Variants in ATP8A2 observed in about 807,000 individuals in gnomAD.
ATP8A2 encodes the protein ATPase phospholipid transporting 8A2.
ATP8A2 carries 100 observed loss-of-function variants against 165.6 expected under a neutral mutation model. The observed-to-expected ratio is 0.60, with a 90% confidence interval of 0.51 to 0.71. ATP8A2 has a LOEUF of 0.71. Among genes scored for constraint, ATP8A2 ranks in the 30% least tolerant of loss-of-function variants. The probability of loss-of-function intolerance (pLI) is 0.00; values close to 1 mark genes in which losing one functional copy is unlikely to be tolerated. For missense variants in ATP8A2, 1,227 were observed against 1,479.5 expected, an observed-to-expected ratio of 0.83 and a Z score of 2.80; for synonymous variants, 543 against 548.8, an observed-to-expected ratio of 0.99 and a Z score of 0.15.
intron 1 of ATP8A2, among the ~76,000 whole-genome samples, chr13:25,435,957 G>GTA (rs1555270391): frequency 2.0e-5 from 3 of 149,062 alleles, no homozygotes; most frequent in Non-Finnish European, 4.5e-5. Flanking sequence ...GTGTGAGTGT[G>GTA]TGTGTGTGTG....
At chr13:25,411,011 T>C (rs182227071) in intron 1 of ATP8A2, among the ~76,000 whole-genome samples, 142 of 152,352 alleles carry the variant, frequency 9.3e-4, no homozygotes, top group African/African-American at 3.2e-3. Flanking sequence ...CTACTGACTG[T>C]ACTCCAGGAG....
intron 36 of ATP8A2, among the ~76,000 whole-genome samples, chr13:26,017,160 G>A (rs928761724): frequency 3.3e-5 from 5 of 152,148 alleles, no homozygotes; most frequent in Non-Finnish European, 5.9e-5. Flanking sequence ...CCCATTCTTT[G>A]GGGTGACTGT....
chr13:25,809,043 A>G (rs1950804910), intron 27 of ATP8A2, among the ~76,000 whole-genome samples: 2 of 152,170 alleles, frequency 1.3e-5, no homozygotes, highest in Non-Finnish European at 2.9e-5. Context: ...TTTACACGCT[A>G]CATCTTCAGT....
chr13:25,783,522 A>T (rs1427027796), intron 27 of ATP8A2, among the ~76,000 whole-genome samples: 1 of 152,186 alleles, frequency 6.6e-6, no homozygotes, highest in East Asian at 1.9e-4. Flanking sequence ...GAATTCCCAC[A>T]ATTATAATAT....
At chr13:25,956,738 T>G (rs1052392012) in intron 33 of ATP8A2, among the ~76,000 whole-genome samples, 1 of 152,152 alleles carries the variant, frequency 6.6e-6, no homozygotes, top group Non-Finnish European at 1.5e-5. Flanking sequence ...CAAGCTACCA[T>G]TGACTTTCTT....
At chr13:25,742,097 G>A (rs2043926161) in intron 25 of ATP8A2, among the ~76,000 whole-genome samples, 1 of 152,140 alleles carries the variant, frequency 6.6e-6, no homozygotes, top group Admixed American at 6.6e-5. Flanking sequence ...AGATGAGATA[G>A]CCTACTACAC....
intron 30 of ATP8A2, among the ~76,000 whole-genome samples, chr13:25,849,390 C>T (rs2138701627): frequency 6.6e-6 from 1 of 152,282 alleles, no homozygotes; most frequent in South Asian, 2.1e-4. Context: ...TTTCTGAATA[C>T]ATTTTGTGGT....
intron 1 of ATP8A2, among the ~76,000 whole-genome samples, chr13:25,417,408 T>C (rs2034163648): frequency 1.1e-5 from 1 of 94,626 alleles, no homozygotes; most frequent in African/African-American, 4.0e-5. Context: ...CCAGTTTCTT[T>C]ACCATTTTGG....
intron 2 of ATP8A2, among the ~76,000 whole-genome samples, chr13:25,486,412 G>C (rs1204653123): frequency 6.6e-6 from 1 of 152,054 alleles, no homozygotes; most frequent in African/African-American, 2.4e-5. Flanking sequence ...TATTGATTTA[G>C]CATTCTTCAC....
rs553306513 is a variant in ATP8A2 at position 25,871,597 on chromosome 13, A to G, written c.3183+9189A>G. The stretch of plus-strand genomic sequence containing the variant: ...ACCAAGAAGTTTCTGTTTCATATAA[A>G]TGATGATGCAAAAGCTATTGTGGAC... On this transcript the variant is annotated intron_variant, in intron 33 of 36. Coordinates refer to ENST00000381655, the MANE Select transcript of ATP8A2 (RefSeq NM_016529.6). Among the ~76,000 whole-genome samples, 250 of 152,350 alleles carry G rather than the reference A, an allele frequency of 1.6e-3. 1 individual carries two copies. Among genetic ancestry groups the G allele is most frequent in the Non-Finnish European group, 2.6e-3 (175 of 68,022 alleles).
intron 1 of ATP8A2, among the ~76,000 whole-genome samples, chr13:25,375,585 CTT>C (rs11312033): frequency 0.092 from 13,562 of 147,584 alleles, 1,157 homozygotes; most frequent in African/African-American, 0.22. Flanking sequence ...TACAAATATT[CTT>C]TTTTTTTTTT....
chr13:25,791,542 T>TACACACACACACACACACAC (rs55661899), intron 27 of ATP8A2, among the ~76,000 whole-genome samples: 95 of 143,060 alleles, frequency 6.6e-4, no homozygotes, highest in African/African-American at 2.1e-3. Flanking sequence ...CACACACACA[T>TACACACACACACACACACAC]ACACACACAC....
intron 4 of ATP8A2, among the ~76,000 whole-genome samples, chr13:25,531,365 TATATATATGTTATATATATG>T (rs2038082529): frequency 8.0e-6 from 1 of 124,966 alleles, no homozygotes; most frequent in African/African-American, 3.5e-5. Flanking sequence ...TTATATATGA[TATATATATGTTATATATATG>T]ATATATATAT....
chr13:25,919,226 C>A (rs1954364693), intron 33 of ATP8A2, among the ~76,000 whole-genome samples: 2 of 152,126 alleles, frequency 1.3e-5, no homozygotes, highest in East Asian at 3.9e-4. Flanking sequence ...AGACTCAGAC[C>A]TGAGGGAAGA....
Position 25,837,406 on chromosome 13 carries a change from A to T in ATP8A2, c.2877+121A>T, listed in dbSNP as rs1951640401. The T allele has an allele frequency of 2.1e-5, 21 of 980,672 alleles. 1 individual carries two copies. The South Asian group carries it at 3.2e-4, about 15-fold the overall frequency. The allele number at this position is 980,672 out of a possible 1,614,324, so 60.7% of individuals were successfully genotyped here. A position where few individuals can be genotyped will look rare whatever the true frequency, so the allele number is the denominator to read the frequency against. On this transcript the variant is annotated intron_variant, in intron 29 of 36. Coordinates refer to ENST00000381655, the MANE Select transcript of ATP8A2 (RefSeq NM_016529.6). ...ACATTTGAGAAGTGCTGAAAACATGATCCACTCACCCCACCACCACACACA... is the reference window on the plus strand; with the variant it reads ...ACATTTGAGAAGTGCTGAAAACATGTTCCACTCACCCCACCACCACACACA...
chr13:25,671,065 G>A (rs1323663630), intron 24 of ATP8A2, among the ~76,000 whole-genome samples: 2 of 152,210 alleles, frequency 1.3e-5, no homozygotes, highest in African/African-American at 4.8e-5. Context: ...GCAGAAGAAC[G>A]TGGATTGTGA....
chr13:25,748,741 G>A (rs756457809), intron 25 of ATP8A2, among the ~76,000 whole-genome samples: 9 of 152,330 alleles, frequency 5.9e-5, no homozygotes, highest in East Asian at 1.9e-4. Context: ...AGTAAACAGC[G>A]TTGCTGCGGC....
At chr13:25,895,242 G>T (rs1306521710) in intron 33 of ATP8A2, among the ~76,000 whole-genome samples, 2 of 152,328 alleles carry the variant, frequency 1.3e-5, no homozygotes, top group Non-Finnish European at 1.5e-5. Flanking sequence ...TTTTTAGCAT[G>T]AAGGTTGTTG....
chr13:25,615,579 G>A (rs753171835), intron 24 of ATP8A2, among the ~76,000 whole-genome samples: 3 of 152,058 alleles, frequency 2.0e-5, no homozygotes, highest in Non-Finnish European at 2.9e-5. Flanking sequence ...GGAAACTTCG[G>A]GTTCACTTGA....
Sources: allele counts gnomAD v4.1 joint callset (sites outside exome capture counted in the v4.1 genomes callset), GRCh38; gene constraint gnomAD v4.1.1; transcripts MANE v1.5; gene names NCBI Gene and HGNC (gene_info 2026-07-23, HGNC 2026-07-21).